LRP1B: variants seen among roughly 807,000 people sequenced by gnomAD.
LRP1B encodes low-density lipoprotein receptor-related protein 1B.
In LRP1B, 217 loss-of-function variants were observed where a neutral mutation model predicts 556.6. The observed-to-expected ratio is 0.39, with a 90% CI of 0.35 to 0.44. The LOEUF (loss-of-function observed/expected upper bound fraction) is 0.44. Among genes scored for constraint, LRP1B ranks in the 20% least tolerant of loss-of-function variants. The pLI, the probability that LRP1B is intolerant of heterozygous loss-of-function variation, is 1.00. For synonymous variants in LRP1B, 2,047 were observed against 1,865.8 expected (o/e 1.10, Z -2.50); for missense variants, 5,053 against 5,620.8 (o/e 0.90, Z 3.23).
intron 1 of LRP1B, among the ~76,000 whole-genome samples, chr2:141,862,629 G>A (rs562788107): frequency 3.0e-4 from 46 of 152,174 alleles, no homozygotes; most frequent in Middle Eastern, 3.4e-3. Context: ...GGCTGCTTTC[G>A]AACTCCCGAC....
chr2:141,298,309 G>A (rs972151629), intron 3 of LRP1B, among the ~76,000 whole-genome samples: 2 of 152,090 alleles, frequency 1.3e-5, no homozygotes, highest in Non-Finnish European at 2.9e-5. Context: ...ATGCCTGATA[G>A]GAATGTCTAT....
In LRP1B at chr2:140,378,265, T is replaced by C; in HGVS notation, c.10553A>G (p.Lys3518Arg). 6.2e-7 allele frequency: 1 copy of C among 1,611,654 alleles called. No homozygotes were observed. The highest frequency in any genetic ancestry group is 1.7e-4 in the Middle Eastern group (1 of 6,056). ...ENCKPQTCTL[K>R]DFLCANGDCV... ...GTCCCCATTGGCACAGAGGAAATCT[T>C]TCAATGTACATGTCTGTGGCTCTGG... Residue 3518 changes from lysine to arginine, a missense_variant, in exon 68 of 91, where the codon AAA (lysine) becomes AGA (arginine). Physicochemically the swap from Lys to Arg is conservative, Grantham distance 26 (BLOSUM62 2). Coordinates refer to ENST00000389484, the MANE Select transcript of LRP1B (RefSeq NM_018557.3).
intron 6 of LRP1B, among the ~76,000 whole-genome samples, chr2:141,214,228 CTCTT>C (rs989744370): frequency 6.6e-6 from 1 of 152,116 alleles, no homozygotes; most frequent in African/African-American, 2.4e-5. Context: ...AATTCTTAAA[CTCTT>C]TCTAACAGAA....
intron 3 of LRP1B, among the ~76,000 whole-genome samples, chr2:141,287,273 C>A (rs1009495521): frequency 2.0e-5 from 3 of 151,502 alleles, no homozygotes; most frequent in Admixed American, 6.6e-5. Flanking sequence ...TTATAATAGC[C>A]TAAGGGAGAA....
rs756030565 is a variant in LRP1B, at chr2:140,526,023, G to C, written c.7877-30C>G. 23 of 1,607,802 alleles carry C rather than the reference G, an allele frequency of 1.4e-5. No homozygotes were observed. In the South Asian group the frequency reaches 2.5e-4, roughly 18 times the overall value. On this transcript the variant is annotated intron_variant, in intron 48 of 90. Transcript: ENST00000389484. ...AAGAAGGTAAACAAAAAATGAAAAA[G>C]TACCTCATTTTCAAAGATTATGAGC...
At chr2:141,696,743 T>G (rs1222473901) in intron 2 of LRP1B, among the ~76,000 whole-genome samples, 1 of 151,916 alleles carries the variant, frequency 6.6e-6, no homozygotes, top group African/African-American at 2.4e-5. Context: ...AGATTCAATT[T>G]TGAGGGAAGA....
chr2:140,328,907 A>T lies in LRP1B; in HGVS notation c.12224-3029T>A, dbSNP rs901211052. On this transcript the variant is annotated intron_variant, in intron 79 of 90. Transcript: ENST00000389484. The stretch of plus-strand genomic sequence containing the variant: ...CCTAACATTCATATCCACTTTATTT[A>T]ACTAGAGACATTATGTTGGCCAACA... Among the ~76,000 whole-genome samples, 8 of 152,200 alleles carry T rather than the reference A, an allele frequency of 5.3e-5. No homozygotes were observed. The East Asian group carries it at 1.5e-3, about 29-fold the overall frequency.
chr2:141,251,245 A>T lies in LRP1B; in HGVS notation c.463+3277T>A, dbSNP rs569937635. Among the ~76,000 whole-genome samples the T allele has an allele frequency of 1.3e-5, 2 of 152,308 alleles. 1 individual carries two copies. The highest frequency in any genetic ancestry group is 4.8e-5 in the African/African-American group (2 of 41,588). On this transcript the variant is annotated intron_variant, in intron 4 of 90. Coordinates refer to ENST00000389484, the MANE Select transcript of LRP1B (RefSeq NM_018557.3). ...CCTCTAACAGTCCTTTGAAAATAAA[A>T]GTGAGTGTTTTAACCAGTCTTAACT...
chr2:140,804,649 A>ATTTTTTT (rs869167644), intron 32 of LRP1B, among the ~76,000 whole-genome samples: 2 of 57,934 alleles, frequency 3.5e-5, no homozygotes, highest in African/African-American at 5.6e-5. Context: ...GTAAAAACTA[A>ATTTTTTT]TTTTTTTTTT....
chr2:141,250,375 T>TG (rs900665975), intron 4 of LRP1B, among the ~76,000 whole-genome samples: 5 of 152,158 alleles, frequency 3.3e-5, no homozygotes, highest in African/African-American at 7.2e-5. Flanking sequence ...GAAAGGGGAC[T>TG]GGGGGTTGGG....
At chr2:141,302,971 C>T (rs1387335570) in intron 3 of LRP1B, among the ~76,000 whole-genome samples, 2 of 152,032 alleles carry the variant, frequency 1.3e-5, no homozygotes, top group South Asian at 4.1e-4. Flanking sequence ...ATAATGAATA[C>T]TAGCAATTAC....
At chr2:142,029,164 C>G (rs1703604260) in intron 1 of LRP1B, among the ~76,000 whole-genome samples, 1 of 151,812 alleles carries the variant, frequency 6.6e-6, no homozygotes, top group Non-Finnish European at 1.5e-5. Context: ...TTTCCAGGCC[C>G]TATAACCCAG....
At chr2:141,992,594 C>G (rs1347099582) in intron 1 of LRP1B, among the ~76,000 whole-genome samples, 2 of 152,122 alleles carry the variant, frequency 1.3e-5, no homozygotes, top group Non-Finnish European at 2.9e-5. Context: ...TAAGAAACAT[C>G]TGTGTGTGTC....
intron 1 of LRP1B, among the ~76,000 whole-genome samples, chr2:142,108,014 A>G (rs1375133089): frequency 6.6e-6 from 1 of 150,450 alleles, no homozygotes; most frequent in Non-Finnish European, 1.5e-5. Context: ...TATGTTCATA[A>G]TTTTCTTCAT....
chr2:140,634,454 T>C (rs921970143), intron 41 of LRP1B, among the ~76,000 whole-genome samples: 3 of 152,178 alleles, frequency 2.0e-5, no homozygotes, highest in African/African-American at 7.2e-5. Flanking sequence ...ATAAACACTC[T>C]GCCCTCAGGG....
At chr2:140,261,093 A>T (rs1174625081) in intron 86 of LRP1B, among the ~76,000 whole-genome samples, 1 of 151,436 alleles carries the variant, frequency 6.6e-6, no homozygotes, top group Non-Finnish European at 1.5e-5. Context: ...AAGAAAGGAG[A>T]TGTTAACAGT....
At chr2:141,053,921 C>A (rs1699109474) in intron 10 of LRP1B, among the ~76,000 whole-genome samples, 1 of 151,726 alleles carries the variant, frequency 6.6e-6, no homozygotes, top group African/African-American at 2.4e-5. Flanking sequence ...TACCCACACA[C>A]AAAACTTCTT....
chr2:140,805,545 C>T (rs571045835), intron 32 of LRP1B, among the ~76,000 whole-genome samples: 1 of 152,280 alleles, frequency 6.6e-6, no homozygotes, highest in African/African-American at 2.4e-5. Context: ...ATACTTTTGC[C>T]TAACTTATGA....
In LRP1B at chr2:140,784,233, A is replaced by C. The variant is rs1194051237; in HGVS notation, c.5360-7995T>G. Among the ~76,000 whole-genome samples the C allele has an allele frequency of 4.6e-5, 7 of 152,116 alleles. No individual in the cohort carries two copies. The East Asian group carries it at 1.4e-3, about 29-fold the overall frequency. On this transcript the variant is annotated intron_variant, in intron 32 of 90. Coordinates refer to ENST00000389484, the MANE Select transcript of LRP1B (RefSeq NM_018557.3). ...GAACCACAGACCTAACTGCTAAATT[A>C]GACCTCAGTCCCCTACCCTGACTTT... is the stretch of plus-strand genomic sequence containing the variant.
Sources: gnomAD v4.1 joint callset for allele counts (sites outside exome capture counted in the v4.1 genomes callset) on GRCh38, gnomAD v4.1.1 for gene constraint, MANE v1.5 for transcripts, NCBI Gene and HGNC (gene_info 2026-07-23, HGNC 2026-07-21) for gene names.